TEX26: variants seen among roughly 807,000 people sequenced by gnomAD.
TEX26 encodes testis-expressed protein 26.
In TEX26, 34 loss-of-function variants were observed where a neutral mutation model predicts 35.3. The ratio of observed to expected loss-of-function variants is 0.96; its 90% CI spans 0.73 to 1.28. The LOEUF is 1.28. Among genes scored for constraint, TEX26 ranks in the 50% most tolerant of loss-of-function variants. TEX26 has a pLI of 0.00. For synonymous variants in TEX26, 136 were observed against 111.8 expected (o/e 1.22, Z -1.36); for missense variants, 371 against 330.1 (o/e 1.12, Z -0.96).
chr13:30,973,152 T>C (rs1426096279), intron 6 of TEX26: 1 of 152,132 alleles, frequency 6.6e-6, no homozygotes, highest in Non-Finnish European at 1.5e-5. Flanking sequence ...AGCAGGAAAA[T>C]AGATAAACAA....
intron 4 of TEX26, among the ~76,000 whole-genome samples, chr13:30,962,948 G>A (rs1019283021): frequency 4.0e-5 from 6 of 151,592 alleles, no homozygotes; most frequent in African/African-American, 7.3e-5. Flanking sequence ...TGAGCCTCCC[G>A]AGTAGCTGGG....
At position 30,934,437 on chromosome 13, in the gene TEX26, A is replaced by T. The variant is rs115908101; in HGVS notation, c.61+1661A>T. 4.1e-3 allele frequency among the ~76,000 whole-genome samples: 631 copies of T among 152,312 alleles called. 6 individuals carry two copies. The highest frequency in any genetic ancestry group is 0.015 in the African/African-American group (613 of 41,562). On this transcript the variant is annotated intron_variant, in intron 1 of 6. Coordinates refer to ENST00000380473, the MANE Select transcript of TEX26 (RefSeq NM_152325.3). Reference sequence around the variant, plus strand: ...AGATGGGGCTCTCAGGTGTTGTATTAGTTTCCTGTGGCTGCTATGTGTTCC... The same window carrying T: ...AGATGGGGCTCTCAGGTGTTGTATTTGTTTCCTGTGGCTGCTATGTGTTCC...
chr13:30,955,001 A>T (rs1328828172), intron 3 of TEX26, among the ~76,000 whole-genome samples: 2 of 152,174 alleles, frequency 1.3e-5, no homozygotes, highest in African/African-American at 4.8e-5. Context: ...GAATATCAAC[A>T]ACTGCTAACG....
At chr13:30,967,637 C>T (rs948194988) in intron 5 of TEX26, among the ~76,000 whole-genome samples, 2 of 151,572 alleles carry the variant, frequency 1.3e-5, no homozygotes, top group South Asian at 2.1e-4. Flanking sequence ...AGTTTGGTTC[C>T]TCCATTTGGC....
intron 4 of TEX26, among the ~76,000 whole-genome samples, 195 bp from the exon 5 acceptor site, chr13:30,966,027 T>TA (rs942053505): frequency 1.3e-5 from 2 of 152,262 alleles, no homozygotes; most frequent in African/African-American, 4.8e-5. Context: ...ACTCATGACA[T>TA]AAAAATATAT....
intron 3 of TEX26, among the ~76,000 whole-genome samples, chr13:30,956,178 A>G (rs1431929277): frequency 1.6e-5 from 1 of 61,014 alleles, no homozygotes; most frequent in South Asian, 6.9e-4. Flanking sequence ...CCCCCACCCC[A>G]CAACAGGCCC....
At chr13:30,934,853 G>C (rs1953211119) in intron 1 of TEX26, among the ~76,000 whole-genome samples, 1 of 152,234 alleles carries the variant, frequency 6.6e-6, no homozygotes, top group African/African-American at 2.4e-5. Context: ...GCGGCTGTGG[G>C]TCTGAGCCTC....
rs891510592 is a variant in TEX26 at position 30,956,867 on chromosome 13, T to C, written c.313-6T>C. 1.9e-6 allele frequency: 3 copies of C among 1,613,124 alleles called. No individual in the cohort carries two copies. Among genetic ancestry groups the C allele is most frequent in the African/African-American group, 1.3e-5 (1 of 74,874 alleles). Reference sequence around the variant, plus strand: ...ATTTTCTTGAAAATTATGTTTGCTTTGATAGGACATTTTCCTGTGGACACT... The same window carrying C: ...ATTTTCTTGAAAATTATGTTTGCTTCGATAGGACATTTTCCTGTGGACACT... On this transcript the variant is annotated splice_region_variant and splice_polypyrimidine_tract_variant and intron_variant, in intron 3 of 6. Transcript: ENST00000380473.
intron 3 of TEX26, among the ~76,000 whole-genome samples, chr13:30,955,367 A>G (rs1451677141): frequency 6.6e-6 from 1 of 152,262 alleles, no homozygotes; most frequent in African/African-American, 2.4e-5. Flanking sequence ...TTGTTAAACA[A>G]CAAATGCATA....
chr13:30,939,798 G>A lies in TEX26; in HGVS notation c.146+20G>A. The A allele has an allele frequency of 6.3e-7, 1 of 1,591,086 alleles. No individual in the cohort carries two copies. Among genetic ancestry groups the A allele is most frequent in the Non-Finnish European group, 8.6e-7 (1 of 1,159,688 alleles). On this transcript the variant is annotated intron_variant, in intron 2 of 6. Transcript: ENST00000380473. ...AATTCGGTAGATCATTATTTGTGTT[G>A]GATTGATATACATGTTTTAATTTGT...
chr13:30,969,118 A>G (rs1593611405), intron 6 of TEX26, 72 bp downstream of exon 6: 1 of 1,369,720 alleles, frequency 7.3e-7, no homozygotes, highest in Non-Finnish European at 9.8e-7. Context: ...AACTGTTCCA[A>G]GTTCTAGCCA....
In TEX26 at chr13:30,966,640, T is replaced by C. The variant is rs536048927; in HGVS notation, c.646+242T>C. 2.6e-5 allele frequency among the ~76,000 whole-genome samples: 4 copies of C among 152,214 alleles called. No homozygotes were observed. The East Asian group carries it at 7.7e-4, about 29-fold the overall frequency. On this transcript the variant is annotated intron_variant, in intron 5 of 6. Transcript: ENST00000380473. ...TTTTAGTAGAGATGGGATTTTGCCA[T>C]GTTGGCCAGGCTGGTCTCAAACTCC...
rs145080214 is a variant in TEX26, at chr13:30,966,391, G to A, written c.639G>A (p.Gln213=). The A allele has an allele frequency of 8.7e-6, 14 of 1,612,006 alleles. No homozygotes were observed. The highest frequency in any genetic ancestry group is 2.7e-5 in the African/African-American group (2 of 74,606). Residue 213 remains glutamine (Q), a synonymous_variant, in exon 5 of 7, where the codon CAG becomes CAA. Coordinates refer to ENST00000380473, the MANE Select transcript of TEX26 (RefSeq NM_152325.3). ...GCYSSLPVAS[Q]GLVPSVLHSY... Reference sequence around the variant, plus strand: ...ACTCAAGCTTGCCTGTTGCTTCTCAGGGTCTAGGTGAGTACAGCTGCAGTT... The same window carrying A: ...ACTCAAGCTTGCCTGTTGCTTCTCAAGGTCTAGGTGAGTACAGCTGCAGTT...
intron 4 of TEX26, among the ~76,000 whole-genome samples, chr13:30,962,985 G>A (rs988446896): frequency 6.9e-6 from 1 of 144,808 alleles, no homozygotes; most frequent in African/African-American, 2.9e-5. Flanking sequence ...ACCATGCCCA[G>A]CTAATTTTTT....
intron 2 of TEX26, among the ~76,000 whole-genome samples, chr13:30,946,425 G>A (rs1484994032): frequency 2.0e-5 from 3 of 151,560 alleles, no homozygotes; most frequent in Non-Finnish European, 4.4e-5. Context: ...TCAACCTTTT[G>A]AATTCTTTAT....
intron 2 of TEX26, among the ~76,000 whole-genome samples, chr13:30,945,897 A>C (rs1953689683): frequency 2.0e-5 from 3 of 151,960 alleles, no homozygotes; most frequent in Non-Finnish European, 4.4e-5. Context: ...TATTTCCTTC[A>C]CATTGACTTT....
intron 2 of TEX26, among the ~76,000 whole-genome samples, chr13:30,941,048 C>T (rs185786612): frequency 3.9e-5 from 6 of 152,260 alleles, no homozygotes; most frequent in African/African-American, 1.2e-4. Flanking sequence ...TTCTTAGCCC[C>T]CTGCTCTTAC....
chr13:30,947,994 G>T (rs1953777010), intron 2 of TEX26, among the ~76,000 whole-genome samples: 1 of 151,950 alleles, frequency 6.6e-6, no homozygotes, highest in Non-Finnish European at 1.5e-5. Flanking sequence ...GCGGTGTTTG[G>T]TTTTTTGTCC....
rs757823520 is a variant in TEX26, at chr13:30,968,967, C to G, written c.729C>G (p.Thr243=). 6.2e-6 allele frequency: 10 copies of G among 1,614,100 alleles called. No homozygotes were observed. Among genetic ancestry groups the G allele is most frequent in the South Asian group, 1.1e-5 (1 of 91,060 alleles). Residue 243 remains threonine (T), a synonymous_variant, in exon 6 of 7, where the codon ACC becomes ACG. Coordinates refer to ENST00000380473, the MANE Select transcript of TEX26 (RefSeq NM_152325.3). ...QTTYQSDYDK[T]YPDFLMLLNS... is the part of the protein sequence containing the mutation. ...CATACCAAAGTGACTACGACAAAAC[C>G]TACCCAGATTTCTTAATGCTTTTAA...
Sources: gnomAD v4.1 joint callset for allele counts (sites outside exome capture counted in the v4.1 genomes callset) on GRCh38, gnomAD v4.1.1 for gene constraint, MANE v1.5 for transcripts, NCBI Gene and HGNC (gene_info 2026-07-23, HGNC 2026-07-21) for gene names.